NAV2: variants seen among roughly 807,000 people sequenced by gnomAD.
NAV2 encodes neuron navigator 2, also known as helicase, APC down-regulated 1.
In NAV2, 54 loss-of-function variants were observed where a neutral mutation model predicts 223.2. The observed-to-expected ratio is 0.24, with a 90% confidence interval of 0.19 to 0.30. NAV2 has a LOEUF of 0.30. NAV2 is among the 10% of genes least tolerant of loss of function. The probability of loss-of-function intolerance (pLI) is 1.00; values close to 1 mark genes in which losing one functional copy is unlikely to be tolerated. For missense variants in NAV2, 2,806 were observed against 3,147.5 expected, an observed-to-expected ratio of 0.89 and a Z score of 2.60; for synonymous variants, 1,279 against 1,239.3, an observed-to-expected ratio of 1.03 and a Z score of -0.67.
At chr11:19,572,455 A>C (rs12789188) in intron 1 of NAV2, among the ~76,000 whole-genome samples, 2 of 152,066 alleles carry the variant, frequency 1.3e-5, no homozygotes, top group African/African-American at 2.4e-5. Flanking sequence ...TTCGGCTTCA[A>C]TATTTTATAT....
chr11:20,045,109 C>T lies in NAV2; in HGVS notation c.3341C>T (p.Thr1114Ile). 1 of 1,614,202 alleles carries T rather than the reference C, an allele frequency of 6.2e-7. No homozygotes were observed. Among genetic ancestry groups the T allele is most frequent in the South Asian group, 1.1e-5 (1 of 91,088 alleles). Residue 1114 changes from threonine (T) to isoleucine (I), a missense_variant, in exon 14 of 38, where the codon ACT becomes ATT. Thr to Ile is a moderately conservative substitution (Grantham distance 89). Around this residue, in one of 4 missense-constraint regions of NAV2, gnomAD observed 742 missense variants for 777.9 expected, o/e 0.95. Coordinates refer to ENST00000349880, the MANE Select transcript of NAV2 (RefSeq NM_145117.5). ...CTCCCCAGCAGCTCTAGGACACCTA[C>T]TGCCAATGCCAACAGCTTTGGGTTC... Reference protein sequence around the residue: ...KPLPSSSRTPTANANSFGFKK... With the variant: ...KPLPSSSRTPIANANSFGFKK...
chr11:19,869,016 C>A lies in NAV2; in HGVS notation c.511+19C>A. ...GCAGAAGGTGAGTCAGAGCGCTTGT[C>A]ACGAAGCTGCCTCTTCATCATTAGA... On this transcript the variant is annotated intron_variant, in intron 4 of 37. Coordinates refer to ENST00000349880, the MANE Select transcript of NAV2 (RefSeq NM_145117.5). The A allele has an allele frequency of 1.2e-6, 2 of 1,611,728 alleles. No homozygotes were observed. The highest frequency in any genetic ancestry group is 2.2e-5 in the South Asian group (2 of 90,950).
At chr11:19,653,874 C>A (rs1289331289) in intron 1 of NAV2, among the ~76,000 whole-genome samples, 2 of 152,138 alleles carry the variant, frequency 1.3e-5, no homozygotes, top group Non-Finnish European at 2.9e-5. Context: ...AGCTCCTGGG[C>A]AGAGCCACTC....
chr11:19,351,399 C>A (rs1359459180), intron 1 of NAV2, among the ~76,000 whole-genome samples: 2 of 152,166 alleles, frequency 1.3e-5, no homozygotes, highest in Admixed American at 1.3e-4. Flanking sequence ...CTCCTGACAG[C>A]GGAGGTTTTG....
At chr11:19,471,159 T>C (rs997124263) in intron 1 of NAV2, among the ~76,000 whole-genome samples, 2 of 152,176 alleles carry the variant, frequency 1.3e-5, no homozygotes, top group Non-Finnish European at 2.9e-5. Context: ...CACATCCTCG[T>C]GTTACCAGTG....
intron 1 of NAV2, among the ~76,000 whole-genome samples, chr11:19,618,512 GGA>G (rs2046881170): frequency 1.3e-5 from 2 of 151,354 alleles, no homozygotes; most frequent in Non-Finnish European, 3.0e-5. Flanking sequence ...ATGGATGGAT[GGA>G]TGGATGGATG....
At position 20,045,227 on chromosome 11, in the gene NAV2, A is replaced by G. The variant is rs968568474; in HGVS notation, c.3459A>G (p.Pro1153=). 3.7e-6 allele frequency: 6 copies of G among 1,614,182 alleles called. No homozygotes were observed. Among genetic ancestry groups the G allele is most frequent in the African/African-American group, 1.3e-5 (1 of 75,048 alleles). The change falls in exon 14 of 38, where the codon CCA becomes CCG. Residue 1153 remains proline, a synonymous_variant. Coordinates refer to ENST00000349880, the MANE Select transcript of NAV2 (RefSeq NM_145117.5). ...GGTCAGCCACACTGGGCAAAATCCC[A>G]AAGTCATCTGCACTCGTCAGTCGGT... ...TSRSATLGKI[P]KSSALVSRSA...
intron 1 of NAV2, among the ~76,000 whole-genome samples, chr11:19,476,093 G>T (rs1412946609): frequency 6.6e-6 from 1 of 152,148 alleles, no homozygotes; most frequent in Non-Finnish European, 1.5e-5. Context: ...TCCTGCCTCA[G>T]CCTCCCGAGT....
At chr11:19,700,821 G>A (rs1249126551) in intron 1 of NAV2, among the ~76,000 whole-genome samples, 1 of 152,184 alleles carries the variant, frequency 6.6e-6, no homozygotes, top group Non-Finnish European at 1.5e-5. Context: ...CAATTTCCCT[G>A]ATTGGAAGCT....
chr11:19,518,414 T>C (rs925097031), intron 1 of NAV2: 4 of 152,218 alleles, frequency 2.6e-5, no homozygotes, highest in Non-Finnish European at 5.9e-5. Context: ...CCATGCTGAG[T>C]GCAGCTGCAC....
chr11:19,758,550 T>A (rs532495731), intron 1 of NAV2, among the ~76,000 whole-genome samples: 1 of 152,054 alleles, frequency 6.6e-6, no homozygotes, highest in African/African-American at 2.4e-5. Flanking sequence ...TCCCCACCAA[T>A]GTATGGAAGG....
At chr11:19,919,932 G>A (rs1286695791) in intron 6 of NAV2, among the ~76,000 whole-genome samples, 4 of 152,076 alleles carry the variant, frequency 2.6e-5, no homozygotes, top group Non-Finnish European at 4.4e-5. Flanking sequence ...CCAGGGGTTC[G>A]AGACCAGCCT....
intron 1 of NAV2, among the ~76,000 whole-genome samples, chr11:19,691,369 T>A (rs1227398338): frequency 5.9e-5 from 9 of 152,180 alleles, no homozygotes; most frequent in Admixed American, 5.9e-4. Flanking sequence ...ATGAGATTTC[T>A]CACTTTCTTT....
At chr11:19,536,286 T>C (rs1188833775) in intron 1 of NAV2, among the ~76,000 whole-genome samples, 1 of 152,154 alleles carries the variant, frequency 6.6e-6, no homozygotes, top group East Asian at 1.9e-4. Context: ...TTGGTCAAGC[T>C]CTGTTGATTT....
chr11:19,623,523 A>C (rs1453630324), intron 1 of NAV2, among the ~76,000 whole-genome samples: 5 of 152,064 alleles, frequency 3.3e-5, no homozygotes, highest in African/African-American at 1.2e-4. Context: ...TTTGATCTTT[A>C]ATCACTGATA....
intron 1 of NAV2, among the ~76,000 whole-genome samples, chr11:19,790,954 A>C (rs1426019797): frequency 1.3e-5 from 2 of 151,526 alleles, no homozygotes; most frequent in Admixed American, 1.3e-4. Context: ...GGTGGCAATC[A>C]CTGTTCTGTG....
chr11:19,569,818 T>C (rs2045371433), intron 1 of NAV2, among the ~76,000 whole-genome samples: 1 of 151,906 alleles, frequency 6.6e-6, no homozygotes, highest in African/African-American at 2.4e-5. Context: ...GGATGGGGAG[T>C]TATGAGATGA....
At chr11:20,062,130 G>A (rs1164722563) in intron 19 of NAV2, among the ~76,000 whole-genome samples, 177 bp from the exon 20 acceptor site, 1 of 152,164 alleles carries the variant, frequency 6.6e-6, no homozygotes, top group Non-Finnish European at 1.5e-5. Context: ...GACATCCTTA[G>A]CAAACTATTA....
intron 11 of NAV2, among the ~76,000 whole-genome samples, chr11:20,018,642 G>A (rs1290855441): frequency 2.0e-5 from 3 of 152,126 alleles, no homozygotes; most frequent in Non-Finnish European, 4.4e-5. Flanking sequence ...GTTGATCCAG[G>A]ACCACATCAG....
Sources: allele counts gnomAD v4.1 joint callset (sites outside exome capture counted in the v4.1 genomes callset), GRCh38; gene constraint gnomAD v4.1.1; regional missense constraint gnomAD v4.1.1; transcripts MANE v1.5; gene names NCBI Gene and HGNC (gene_info 2026-07-23, HGNC 2026-07-21).